The following PDCD11 variants were observed in gnomAD, a reference collection of about 807,000 sequenced individuals.
PDCD11 encodes programmed cell death 11, also known as protein RRP5 homolog.
PDCD11 carries 97 observed loss-of-function variants against 198.9 expected under a neutral mutation model. That is an observed-to-expected ratio of 0.49 (90% CI 0.41 to 0.58). The LOEUF is 0.58. PDCD11 is among the 20% of genes least tolerant of loss of function. The pLI is 0.00. For missense variants in PDCD11, 2,102 were observed against 2,312.7 expected, an observed-to-expected ratio of 0.91 and a Z score of 1.87; for synonymous variants, 893 against 918.0, an observed-to-expected ratio of 0.97 and a Z score of 0.49.
At chr10:103,400,563 C>G in intron 3 of PDCD11, 35 bp downstream of exon 3, 1 of 1,588,450 alleles carries the variant, frequency 6.3e-7, no homozygotes, top group Non-Finnish European at 8.6e-7. Context: ...AAACAATCGA[C>G]CTTGGTTGCT....
At position 103,416,756 on chromosome 10, in the gene PDCD11, T is replaced by C; in HGVS notation, c.1770+14T>C. 1.2e-6 allele frequency: 2 copies of C among 1,610,670 alleles called. No homozygotes were observed. Among genetic ancestry groups the C allele is most frequent in the Non-Finnish European group, 1.7e-6 (2 of 1,177,778 alleles). On this transcript the variant is annotated intron_variant, in intron 13 of 35. Transcript: ENST00000369797. ...TACACTGGCCAGGTAACCCTTCCCC[T>C]AGACAGGTCCCCTTTACCCTTGGTG...
chr10:103,404,906 C>T, intron 4 of PDCD11, 116 bp from the exon 5 acceptor site: 2 of 892,304 alleles, frequency 2.2e-6, no homozygotes, highest in Non-Finnish European at 3.4e-6. Flanking sequence ...ATTCCTCACC[C>T]ACCTTTTGGG....
chr10:103,434,578 G>A (rs1017758492), intron 24 of PDCD11: 11 of 588,310 alleles, frequency 1.9e-5, no homozygotes, highest in Middle Eastern at 4.4e-4. Context: ...ACCTACACAG[G>A]TGTTTTTCTC....
intron 3 of PDCD11, among the ~76,000 whole-genome samples, chr10:103,402,211 A>G (rs932978751): frequency 1.3e-5 from 2 of 152,230 alleles, no homozygotes; most frequent in African/African-American, 4.8e-5. Context: ...CATTGTCTCC[A>G]CTAGCTGGCT....
At position 103,432,166 on chromosome 10, in the gene PDCD11, T is replaced by G; in HGVS notation, c.3406T>G (p.Ser1136Ala). The G allele has an allele frequency of 6.2e-7, 1 of 1,614,054 alleles. No homozygotes were observed. ...TGGCCACACTGCTCTTAACACTCACTCTGTTAGCCCCATGGAGAAGATTAA... is the reference window on the plus strand; with the variant it reads ...TGGCCACACTGCTCTTAACACTCACGCTGTTAGCCCCATGGAGAAGATTAA... ...EDGHTALNTHSVSPMEKIKQY... is the reference protein window; with the variant it reads ...EDGHTALNTHAVSPMEKIKQY... The change falls in exon 22 of 36, where the codon TCT becomes GCT. Residue 1136 changes from serine to alanine, a missense_variant. Physicochemically the swap from Ser to Ala is moderately conservative, Grantham distance 99. Transcript: ENST00000369797.
chr10:103,438,518 G>C (rs1290495515), intron 26 of PDCD11, among the ~76,000 whole-genome samples, 168 bp from the exon 27 acceptor site: 2 of 152,182 alleles, frequency 1.3e-5, no homozygotes, highest in Non-Finnish European at 2.9e-5. Context: ...CCTGCTTCTG[G>C]CCTGGCAAGA....
At position 103,400,471 on chromosome 10, in the gene PDCD11, C is replaced by T. The variant is rs749767276; in HGVS notation, c.177C>T (p.Ile59=). Residue 59 remains isoleucine (I), a synonymous_variant, in exon 3 of 36, where the codon ATC becomes ATT. Coordinates refer to ENST00000369797, the MANE Select transcript of PDCD11 (RefSeq NM_014976.2). ...KGPAKTKKLK[I]EKRESSKSAR... ...CAGCAAAAACAAAAAAGTTGAAAAT[C>T]GAAAAGAGAGAAAGCAGCAAGTCCG... 32 of 1,613,446 alleles carry T rather than the reference C, an allele frequency of 2.0e-5. No homozygotes were observed. Among genetic ancestry groups the T allele is most frequent in the African/African-American group, 8.0e-5 (6 of 74,832 alleles).
chr10:103,405,578 T>C (rs1005223535), intron 5 of PDCD11, among the ~76,000 whole-genome samples: 3 of 152,094 alleles, frequency 2.0e-5, no homozygotes, highest in Admixed American at 6.5e-5. Flanking sequence ...GTATTTTTAA[T>C]AGAGACGGGA....
intron 12 of PDCD11, among the ~76,000 whole-genome samples, chr10:103,415,498 C>T (rs7080315): frequency 0.049 from 7,501 of 152,096 alleles, 618 homozygotes; most frequent in African/African-American, 0.17. Context: ...AGGACTGCCA[C>T]GAACAGGTAT....
Position 103,439,777 on chromosome 10 carries a change from T to A in PDCD11, c.4057T>A (p.Tyr1353Asn). The A allele has an allele frequency of 1.2e-6, 2 of 1,614,116 alleles. No homozygotes were observed. Among genetic ancestry groups the A allele is most frequent in the Non-Finnish European group, 1.7e-6 (2 of 1,180,010 alleles). Reference sequence around the variant, plus strand: ...CCCCTCCGTTGTGGGTTTGGCTCGGTACTCCCATGTCTCCCAGCACAGCCC... The same window carrying A: ...CCCCTCCGTTGTGGGTTTGGCTCGGAACTCCCATGTCTCCCAGCACAGCCC... ...LGPSVVGLAR[Y>N]SHVSQHSPSK... The change falls in exon 28 of 36, where the codon TAC (tyrosine) becomes AAC (asparagine). Residue 1353 changes from tyrosine (Y) to asparagine (N), a missense_variant. Physicochemically the swap from Tyr to Asn is moderately radical, Grantham distance 143. Transcript: ENST00000369797.
intron 3 of PDCD11, among the ~76,000 whole-genome samples, chr10:103,401,048 C>T (rs781371286): frequency 2.0e-4 from 31 of 152,138 alleles, no homozygotes; most frequent in Non-Finnish European, 4.1e-4. Context: ...AGCTACCCAC[C>T]GTGCCTGCCC....
chr10:103,423,379 A>G (rs1266402661), intron 18 of PDCD11, among the ~76,000 whole-genome samples, 164 bp from the exon 19 acceptor site: 1 of 152,122 alleles, frequency 6.6e-6, no homozygotes, highest in Non-Finnish European at 1.5e-5. Flanking sequence ...AACTTGAACT[A>G]TGGGAGGTAG....
chr10:103,445,438 C>A lies in PDCD11; in HGVS notation c.5505C>A (p.Phe1835Leu). The change falls in exon 36 of 36, where the codon TTC (phenylalanine) becomes TTA (leucine). Residue 1835 changes from phenylalanine to leucine, a missense_variant. Coordinates refer to ENST00000369797, the MANE Select transcript of PDCD11 (RefSeq NM_014976.2). The stretch of plus-strand genomic sequence containing the variant: ...CCCCCAAGAGAATGAAGTTCTTCTT[C>A]AAGCGCTACCTGGACTACGAGAAGC... ...SLAPKRMKFF[F>L]KRYLDYEKQH... 1 of 1,614,180 alleles carries A rather than the reference C, an allele frequency of 6.2e-7. No homozygotes were observed. The highest frequency in any genetic ancestry group is 8.5e-7 in the Non-Finnish European group (1 of 1,180,010).
Position 103,421,455 on chromosome 10 carries a change from G to T in PDCD11, c.2385G>T (p.Leu795=), listed in dbSNP as rs1357803495. 2 of 1,604,440 alleles carry T rather than the reference G, an allele frequency of 1.2e-6. No individual in the cohort carries two copies. Among genetic ancestry groups the T allele is most frequent in the South Asian group, 2.2e-5 (2 of 89,108 alleles). Residue 795 remains leucine, a synonymous_variant, in exon 17 of 36, where the codon CTG becomes CTT. Coordinates refer to ENST00000369797, the MANE Select transcript of PDCD11 (RefSeq NM_014976.2). ...ATGAGGAGAAGCAGCGGATGCTGCT[G>T]TCACTGCGGCTGTCGGACTGTGGTC... ...NVDEEKQRML[L]SLRLSDCGLG... is the part of the protein sequence containing the mutation.
In PDCD11 at chr10:103,436,688, G is replaced by A. The variant is rs2032168388; in HGVS notation, c.3846-1327G>A. On this transcript the variant is annotated intron_variant, in intron 25 of 35. Transcript: ENST00000369797. ...CTCTTGAGGCTTAGATAATGAGGTT[G>A]TGGTTTTAAATGTGTTTTATTGTGG... is the stretch of plus-strand genomic sequence containing the variant. Among the ~76,000 whole-genome samples the A allele has an allele frequency of 2.6e-5, 4 of 152,218 alleles. No homozygotes were observed. The South Asian group carries it at 8.3e-4, about 31-fold the overall frequency.
chr10:103,435,813 C>G (rs1421402782), intron 25 of PDCD11, among the ~76,000 whole-genome samples: 1 of 152,058 alleles, frequency 6.6e-6, no homozygotes, highest in Non-Finnish European at 1.5e-5. Context: ...GTGCCTGGCC[C>G]TTTTGCATAT....
At position 103,440,590 on chromosome 10, in the gene PDCD11, C is replaced by T; in HGVS notation, c.4440+9C>T. 1 of 1,609,014 alleles carries T rather than the reference C, an allele frequency of 6.2e-7. No individual in the cohort carries two copies. Among genetic ancestry groups the T allele is most frequent in the Non-Finnish European group, 8.5e-7 (1 of 1,178,294 alleles). On this transcript the variant is annotated intron_variant, in intron 29 of 35. Coordinates refer to ENST00000369797, the MANE Select transcript of PDCD11 (RefSeq NM_014976.2). ...AGTCTGGGAGTGAGCAGGTGAGGTCCTGCGGAGGGCTGTGGCTGCCTATCC... is the reference window on the plus strand; with the variant it reads ...AGTCTGGGAGTGAGCAGGTGAGGTCTTGCGGAGGGCTGTGGCTGCCTATCC...
At position 103,440,758 on chromosome 10, in the gene PDCD11, A is replaced by G; in HGVS notation, c.4465A>G (p.Lys1489Glu). The change falls in exon 30 of 36, where the codon AAA becomes GAA. Residue 1489 changes from lysine (K) to glutamate (E), a missense_variant. Physicochemically the swap from Lys to Glu is moderately conservative, Grantham distance 56 (BLOSUM62 1). Coordinates refer to ENST00000369797, the MANE Select transcript of PDCD11 (RefSeq NM_014976.2). ...GGAAAGAGTGAGCAAGAAGCCAAAG[A>G]AAGCCGGCCTGTCAGAGGAGGACGA... is the stretch of plus-strand genomic sequence containing the variant. ...EQERVSKKPK[K>E]AGLSEEDDSL... 1.2e-6 allele frequency: 2 copies of G among 1,614,180 alleles called. No individual in the cohort carries two copies. The highest frequency in any genetic ancestry group is 1.7e-6 in the Non-Finnish European group (2 of 1,180,028).
chr10:103,422,932 G>A, intron 17 of PDCD11, 56 bp from the exon 18 acceptor site: 2 of 1,393,866 alleles, frequency 1.4e-6, no homozygotes, highest in Non-Finnish European at 1.9e-6. Context: ...CAGAGGAAAA[G>A]AACAGTGAGA....
Sources: gnomAD v4.1 joint callset for allele counts (sites outside exome capture counted in the v4.1 genomes callset) on GRCh38, gnomAD v4.1.1 for gene constraint, MANE v1.5 for transcripts, NCBI Gene and HGNC (gene_info 2026-07-23, HGNC 2026-07-21) for gene names.